GALNT10: variants seen among roughly 807,000 people sequenced by gnomAD.
GALNT10 encodes the protein GalNAc transferase 10.
In GALNT10, 41 loss-of-function variants were observed where a neutral mutation model predicts 75.0. The ratio of observed to expected loss-of-function variants is 0.55; its 90% confidence interval spans 0.43 to 0.71. GALNT10 has a LOEUF of 0.71. Among genes scored for constraint, GALNT10 ranks in the 30% least tolerant of loss-of-function variants. GALNT10 has a pLI of 0.00. For missense variants in GALNT10, 727 were observed against 818.5 expected, an observed-to-expected ratio of 0.89 and a Z score of 1.36; for synonymous variants, 302 against 313.0, an observed-to-expected ratio of 0.96 and a Z score of 0.37.
chr5:154,394,318 TAAAAAAAA>T (rs5872377), intron 7 of GALNT10, among the ~76,000 whole-genome samples: 1 of 124,904 alleles, frequency 8.0e-6, no homozygotes, highest in Non-Finnish European at 1.6e-5. Context: ...TGAACAGACT[TAAAAAAAA>T]AAAAAAAAAA....
chr5:154,356,080 A>G, intron 4 of GALNT10: 1 of 455,056 alleles, frequency 2.2e-6, no homozygotes, highest in South Asian at 1.6e-5. Flanking sequence ...TGAATTCTCA[A>G]ATTGAATTCA....
intron 4 of GALNT10, among the ~76,000 whole-genome samples, chr5:154,368,399 T>C (rs1260140676): frequency 6.6e-6 from 1 of 152,172 alleles, no homozygotes; most frequent in East Asian, 1.9e-4. Flanking sequence ...AATTGTATGC[T>C]TTAAATGGGT....
chr5:154,274,153 G>A (rs1753914692), intron 1 of GALNT10, among the ~76,000 whole-genome samples: 1 of 152,150 alleles, frequency 6.6e-6, no homozygotes, highest in African/African-American at 2.4e-5. Flanking sequence ...GATGAGCTGT[G>A]TACAGGCTGA....
At chr5:154,390,692 A>G (rs1252231636) in intron 7 of GALNT10, among the ~76,000 whole-genome samples, 2 of 152,194 alleles carry the variant, frequency 1.3e-5, no homozygotes, top group African/African-American at 2.4e-5. Context: ...TCCTTGCTCT[A>G]GAAGACCCTC....
chr5:154,315,522 G>A (rs1754583403), intron 3 of GALNT10, among the ~76,000 whole-genome samples: 1 of 152,176 alleles, frequency 6.6e-6, no homozygotes, highest in African/African-American at 2.4e-5. Context: ...CCCCTCATTA[G>A]CTCTGTGACA....
At chr5:154,279,348 G>C (rs1442172176) in intron 1 of GALNT10, among the ~76,000 whole-genome samples, 1 of 146,632 alleles carries the variant, frequency 6.8e-6, no homozygotes, top group Non-Finnish European at 1.5e-5. Flanking sequence ...TTGTTGCCCA[G>C]GCTGGAGTAC....
rs1255464857 is a variant in GALNT10 at position 154,371,874 on chromosome 5, A to G, written c.569-4403A>G. Among the ~76,000 whole-genome samples the G allele has an allele frequency of 2.6e-5, 4 of 152,138 alleles. No individual in the cohort carries two copies. In the East Asian group the frequency reaches 7.7e-4, roughly 29 times the overall value. ...TTGGCAGAGGAACAAGAGTTACACA[A>G]GTTGAAGTTGTTACATCCTTCTCCG... is the stretch of plus-strand genomic sequence containing the variant. On this transcript the variant is annotated intron_variant, in intron 4 of 11. Coordinates refer to ENST00000297107, the MANE Select transcript of GALNT10 (RefSeq NM_198321.4).
At chr5:154,259,280 T>G (rs1212881914) in intron 1 of GALNT10, among the ~76,000 whole-genome samples, 1 of 152,154 alleles carries the variant, frequency 6.6e-6, no homozygotes, top group East Asian at 1.9e-4. Flanking sequence ...CAGTTTGGCT[T>G]TGTCTGATGT....
intron 1 of GALNT10, among the ~76,000 whole-genome samples, chr5:154,242,006 A>C (rs996163905): frequency 1.3e-5 from 2 of 152,188 alleles, no homozygotes; most frequent in African/African-American, 4.8e-5. Context: ...ACAGTAACTT[A>C]CAGTGCCCAG....
intron 1 of GALNT10, among the ~76,000 whole-genome samples, chr5:154,200,844 G>A (rs4958707): frequency 0.12 from 17,640 of 152,184 alleles, 1,168 homozygotes; most frequent in Non-Finnish European, 0.14. Context: ...CCAGAGATAC[G>A]TTTTGTGTGC....
chr5:154,276,725 C>G (rs1191207408), intron 1 of GALNT10, among the ~76,000 whole-genome samples: 1 of 152,134 alleles, frequency 6.6e-6, no homozygotes, highest in African/African-American at 2.4e-5. Flanking sequence ...ATATAAATGG[C>G]TATAGTTTAA....
intron 1 of GALNT10, among the ~76,000 whole-genome samples, chr5:154,262,209 A>G (rs375188994): frequency 3.9e-5 from 6 of 152,000 alleles, no homozygotes; most frequent in African/African-American, 1.2e-4. Context: ...TTTCTCCCGC[A>G]TTGTAGATTA....
At chr5:154,301,462 A>G (rs1754356500) in intron 3 of GALNT10, among the ~76,000 whole-genome samples, 2 of 151,978 alleles carry the variant, frequency 1.3e-5, no homozygotes, top group Admixed American at 6.6e-5. Flanking sequence ...TGATATGGGC[A>G]TACAATATGT....
intron 1 of GALNT10, among the ~76,000 whole-genome samples, chr5:154,284,979 A>G (rs1754091844): frequency 6.6e-6 from 1 of 152,246 alleles, no homozygotes; most frequent in African/African-American, 2.4e-5. Flanking sequence ...CCCACCACTT[A>G]AGGTGAAAAT....
At position 154,372,023 on chromosome 5, in the gene GALNT10, A is replaced by G. The variant is rs114877519; in HGVS notation, c.569-4254A>G. 7.2e-3 allele frequency among the ~76,000 whole-genome samples: 1,090 copies of G among 152,332 alleles called. 16 individuals carry two copies. The highest frequency in any genetic ancestry group is 0.025 in the African/African-American group (1,020 of 41,568). ...AGACATAAAGCTAAAGGATGGGTCTATGGAAGGTTCATCATTCTATTCTAC... is the reference window on the plus strand; with the variant it reads ...AGACATAAAGCTAAAGGATGGGTCTGTGGAAGGTTCATCATTCTATTCTAC... On this transcript the variant is annotated intron_variant, in intron 4 of 11. Transcript: ENST00000297107.
chr5:154,312,237 A>G (rs552640037), intron 3 of GALNT10, among the ~76,000 whole-genome samples: 55 of 152,262 alleles, frequency 3.6e-4, no homozygotes, highest in African/African-American at 1.3e-3. Context: ...TGATGATAAG[A>G]CAAGCAGAAC....
intron 1 of GALNT10, among the ~76,000 whole-genome samples, chr5:154,291,229 C>G (rs1051593143): frequency 6.6e-6 from 1 of 152,124 alleles, no homozygotes; most frequent in Non-Finnish European, 1.5e-5. Flanking sequence ...ATCCCTGTAC[C>G]CCATTCCCAG....
rs939249912 is a variant in GALNT10 at position 154,420,692 on chromosome 5, C to G, written c.*3720C>G. ...ACCTCTGGGATGGGAGTCGGACCTACATACCAAGTGACAAGTTCACCTTAA... is the reference window on the plus strand; with the variant it reads ...ACCTCTGGGATGGGAGTCGGACCTAGATACCAAGTGACAAGTTCACCTTAA... On this transcript the variant is annotated 3_prime_UTR_variant, in exon 12 of 12. Transcript: ENST00000297107. The G allele has an allele frequency of 6.6e-6, 1 of 152,236 alleles. No homozygotes were observed. The highest frequency in any genetic ancestry group is 1.5e-5 in the Non-Finnish European group (1 of 68,044). 9.4% of individuals were successfully genotyped at this position (152,236 alleles called of 1,614,324 possible).
At position 154,404,962 on chromosome 5, in the gene GALNT10, G is replaced by T. The variant is rs527881917; in HGVS notation, c.1164+751G>T. On this transcript the variant is annotated intron_variant, in intron 8 of 11. Coordinates refer to ENST00000297107, the MANE Select transcript of GALNT10 (RefSeq NM_198321.4). ...GTCAGCCAGAGTTTGTTTTTGGTTT[G>T]GATATTAAATGTATTCGGAAAAAAA... Among the ~76,000 whole-genome samples the T allele has an allele frequency of 7.2e-5, 11 of 152,254 alleles. No homozygotes were observed. In the South Asian group the frequency reaches 1.2e-3, roughly 17 times the overall value.
Sources: allele counts gnomAD v4.1 joint callset (sites outside exome capture counted in the v4.1 genomes callset), GRCh38; gene constraint gnomAD v4.1.1; transcripts MANE v1.5; gene names NCBI Gene and HGNC (gene_info 2026-07-23, HGNC 2026-07-21).